Variants in ARHGEF9 observed in about 807,000 individuals in gnomAD.
The protein encoded by ARHGEF9 is Cdc42 guanine nucleotide exchange factor 9, also known as rho guanine nucleotide exchange factor 9.
A neutral mutation model predicts 41.3 loss-of-function variants in ARHGEF9; 2 were observed. The observed-to-expected ratio is 0.05, with a 90% CI of 0.02 to 0.15. ARHGEF9 has a LOEUF of 0.15. ARHGEF9 is among the 10% of genes least tolerant of loss of function. The pLI, the probability that ARHGEF9 is intolerant of heterozygous loss-of-function variation, is 1.00. For synonymous variants in ARHGEF9, 160 were observed against 154.4 expected, an observed-to-expected ratio of 1.04 and a Z score of -0.27; for missense variants, 225 against 424.7, an observed-to-expected ratio of 0.53 and a Z score of 4.13.
Position 63,686,437 on chromosome X carries a change from A to G in ARHGEF9, c.583-7865T>C, listed in dbSNP as rs1342314527. On this transcript the variant is annotated intron_variant, in intron 4 of 9. Transcript: ENST00000671741. ...AACATAAGATAGAAGGAATACATTC[A>G]ATGTTCAATAGCAGAGTAGGATGAC... Among the ~76,000 whole-genome samples the G allele has an allele frequency of 3.6e-5, 4 of 111,261 alleles. No individual in the cohort carries two copies. In the East Asian group the frequency reaches 1.1e-3, roughly 32 times the overall value.
intron 1 of ARHGEF9, among the ~76,000 whole-genome samples, chrX:63,734,667 G>A (rs1299112001): frequency 9.0e-6 from 1 of 111,600 alleles, no homozygotes; most frequent in African/African-American, 3.3e-5. Flanking sequence ...GAAAGGCTGA[G>A]GAATTACGGT....
chrX:63,655,428 G>C, intron 8 of ARHGEF9, 66 bp downstream of exon 8: 5 of 1,201,364 alleles, frequency 4.2e-6, no homozygotes, highest in Non-Finnish European at 5.6e-6. Flanking sequence ...CAAGAAAATG[G>C]AAACCAATTC....
At chrX:63,722,410 G>GTTTTTTTTTTT in intron 2 of ARHGEF9, among the ~76,000 whole-genome samples, 1 of 89,377 alleles carries the variant, frequency 1.1e-5, no homozygotes, top group Non-Finnish European at 2.3e-5. Context: ...GTTGTTTTTT[G>GTTTTTTTTTTT]TTTTTTTTTT....
chrX:63,679,644 A>G (rs1275876224), intron 4 of ARHGEF9, among the ~76,000 whole-genome samples: 9 of 112,051 alleles, frequency 8.0e-5, no homozygotes, highest in Non-Finnish European at 1.1e-4. Flanking sequence ...AGCATTTGAG[A>G]AAATAAATTT....
At chrX:63,707,431 TTGAC>T (rs1436170256) in intron 2 of ARHGEF9, 2 of 107,480 alleles carry the variant, frequency 1.9e-5, no homozygotes, top group Non-Finnish European at 3.8e-5. Context: ...CTAGATGACT[TTGAC>T]TGAAAATCAA....
intron 1 of ARHGEF9, among the ~76,000 whole-genome samples, chrX:63,756,467 C>G (rs1556447122): frequency 8.9e-6 from 1 of 112,264 alleles, no homozygotes; most frequent in Non-Finnish European, 1.9e-5. Context: ...GTGGTATATA[C>G]ATACAATGAA....
intron 1 of ARHGEF9, among the ~76,000 whole-genome samples, chrX:63,749,582 C>T (rs782322877): frequency 8.9e-6 from 1 of 111,967 alleles, no homozygotes; most frequent in African/African-American, 3.2e-5. Context: ...AACTCTGACT[C>T]TCCTCTCTAT....
intron 4 of ARHGEF9, among the ~76,000 whole-genome samples, chrX:63,682,222 T>C (rs782002992): frequency 2.5e-4 from 28 of 110,333 alleles, no homozygotes; most frequent in Non-Finnish European, 4.6e-4. Flanking sequence ...CAGACAGAAA[T>C]ACAAGAAAAG....
intron 8 of ARHGEF9, among the ~76,000 whole-genome samples, 185 bp downstream of exon 8, chrX:63,655,309 C>T (rs2147216873): frequency 8.9e-6 from 1 of 112,004 alleles, no homozygotes; most frequent in Admixed American, 9.4e-5. Flanking sequence ...ATAGTTCAAA[C>T]CTACCACTGA....
intron 1 of ARHGEF9, among the ~76,000 whole-genome samples, chrX:63,778,003 A>T (rs1311812710): frequency 8.9e-6 from 1 of 111,750 alleles, no homozygotes; most frequent in African/African-American, 3.3e-5. Flanking sequence ...TCTTCTCACA[A>T]CTCCACTAGG....
At chrX:63,679,107 T>C (rs2050452892) in intron 4 of ARHGEF9, among the ~76,000 whole-genome samples, 1 of 112,107 alleles carries the variant, frequency 8.9e-6, no homozygotes, top group Non-Finnish European at 1.9e-5. Context: ...CTAAGATGTA[T>C]GCAAGTTAAA....
At chrX:63,714,684 A>G (rs1288822456) in intron 2 of ARHGEF9, among the ~76,000 whole-genome samples, 1 of 111,971 alleles carries the variant, frequency 8.9e-6, no homozygotes, top group Non-Finnish European at 1.9e-5. Context: ...GGATTAAATA[A>G]GGTAGTTTAT....
intron 1 of ARHGEF9, among the ~76,000 whole-genome samples, chrX:63,759,563 C>T (rs1602728099): frequency 8.9e-6 from 1 of 112,103 alleles, no homozygotes; most frequent in Admixed American, 9.4e-5. Flanking sequence ...ACTTCTACCA[C>T]AGCCAGGGCT....
At chrX:63,780,773 A>C (rs1282740368) in intron 1 of ARHGEF9, among the ~76,000 whole-genome samples, 2 of 111,609 alleles carry the variant, frequency 1.8e-5, no homozygotes, top group Admixed American at 1.9e-4. Flanking sequence ...TGACTCAGAG[A>C]GCTCCCAGTT....
chrX:63,668,544 G>A (rs1427048352), intron 6 of ARHGEF9, among the ~76,000 whole-genome samples: 1 of 111,931 alleles, frequency 8.9e-6, no homozygotes, highest in African/African-American at 3.3e-5. Flanking sequence ...AGCAACACAC[G>A]TAGTCTCTCT....
chrX:63,641,370 AAAAG>A (rs1358440153), intron 9 of ARHGEF9: 23 of 109,186 alleles, frequency 2.1e-4, no homozygotes, highest in South Asian at 2.0e-3. Context: ...AAAAAAAAAA[AAAAG>A]AAAGAAAGAC....
At chrX:63,755,934 G>A in intron 1 of ARHGEF9, 1 of 639,566 alleles carries the variant, frequency 1.6e-6, no homozygotes, top group Non-Finnish European at 1.9e-6. Context: ...CCAGCATAGG[G>A]TTAAACATTC....
intron 8 of ARHGEF9, among the ~76,000 whole-genome samples, chrX:63,653,842 A>G (rs2048703309): frequency 9.0e-6 from 1 of 111,223 alleles, no homozygotes; most frequent in African/African-American, 3.3e-5. Flanking sequence ...TGATAAAACT[A>G]TATGACCCTC....
rs1310410665 is a variant in ARHGEF9 at position 63,637,195 on chromosome X, T to C, written c.*833A>G. On this transcript the variant is annotated 3_prime_UTR_variant, in exon 10 of 10. Transcript: ENST00000671741. ...AGTGCTGCAACATGGGAAACCCCAG[T>C]GATAGAAGAAACAGCCTGAATGCAA... 6.4e-5 allele frequency: 19 copies of C among 295,861 alleles called. No individual in the cohort carries two copies. Among genetic ancestry groups the C allele is most frequent in the Middle Eastern group, 8.8e-4 (1 of 1,134 alleles). The allele number at this position is 295,861 out of a possible 1,213,427, so 24.4% of individuals were successfully genotyped here.
Sources: gnomAD v4.1 joint callset for allele counts (sites outside exome capture counted in the v4.1 genomes callset) on GRCh38, gnomAD v4.1.1 for gene constraint, MANE v1.5 for transcripts, NCBI Gene and HGNC (gene_info 2026-07-23, HGNC 2026-07-21) for gene names.